The following PLXNA3 variants were observed in gnomAD, a reference collection of about 807,000 sequenced individuals.
The protein encoded by PLXNA3 is plexin-A3.
A neutral mutation model predicts 118.8 loss-of-function variants in PLXNA3; 52 were observed. The observed-to-expected ratio is 0.44, with a 90% CI of 0.35 to 0.55. The LOEUF (loss-of-function observed/expected upper bound fraction) is 0.55, where lower values mean the gene tolerates loss of function less well. Ranked by LOEUF, PLXNA3 falls within the 20% of genes least tolerant of loss-of-function variation. The pLI, the probability that PLXNA3 is intolerant of heterozygous loss-of-function variation, is 0.01. For synonymous variants in PLXNA3, 925 were observed against 762.4 expected (o/e 1.21, Z -3.51); for missense variants, 1,660 against 1,730.8 (o/e 0.96, Z 0.73).
rs2069225871 is a variant in PLXNA3, at chrX:154,474,922, G to C, written c.*2237G>C. ...CCTGCCTCAGCCTTCTGAGTAGCTA[G>C]GATTACAAGTGCTTGCCACCATACC... On this transcript the variant is annotated 3_prime_UTR_variant, in exon 33 of 33. Coordinates refer to ENST00000369682, the MANE Select transcript of PLXNA3 (RefSeq NM_017514.5). 2 of 100,768 alleles carry C rather than the reference G, an allele frequency of 2.0e-5. No homozygotes were observed. The highest frequency in any genetic ancestry group is 4.0e-5 in the Non-Finnish European group (2 of 49,697). 8.3% of individuals were successfully genotyped at this position (100,768 alleles called of 1,213,427 possible). A position where few individuals can be genotyped will look rare whatever the true frequency, so the allele number is the denominator to read the frequency against.
At chrX:154,465,624 C>T in intron 12 of PLXNA3, 33 bp from the exon 13 acceptor site, 1 of 1,194,792 alleles carries the variant, frequency 8.4e-7, no homozygotes, top group Non-Finnish European at 1.1e-6. Flanking sequence ...CTGCCACTGC[C>T]TGCTCCGTCA....
Position 154,468,440 on chromosome X carries a change from C to T in PLXNA3, c.4101C>T (p.Leu1367=), listed in dbSNP as rs782156660. 8 of 1,210,278 alleles carry T rather than the reference C, an allele frequency of 6.6e-6. No individual in the cohort carries two copies. The highest frequency in any genetic ancestry group is 7.8e-6 in the Non-Finnish European group (7 of 895,348). ...SMRDRGTVAS[L]TMVALQSRLD... is the part of the protein sequence containing the mutation. ...GCGACCGCGGCACCGTGGCCTCGCT[C>T]ACCATGGTGGCCCTGCAGAGCCGGC... Residue 1367 remains leucine (L), a synonymous_variant, in exon 23 of 33, where the codon CTC becomes CTT. Transcript: ENST00000369682.
At chrX:154,463,035 G>A (rs189591192) in intron 4 of PLXNA3, among the ~76,000 whole-genome samples, 142 of 111,108 alleles carry the variant, frequency 1.3e-3, no homozygotes, top group Non-Finnish European at 1.0e-3. Context: ...TGTTGAACGC[G>A]TACTATCCAA....
At chrX:154,469,592 C>A (rs2069150386) in intron 27 of PLXNA3, 96 bp from the exon 28 acceptor site, 1 of 671,359 alleles carries the variant, frequency 1.5e-6, no homozygotes, top group African/African-American at 2.2e-5. Context: ...GCCCTTCTCC[C>A]TGGGCTCGTG....
intron 4 of PLXNA3, among the ~76,000 whole-genome samples, chrX:154,462,936 G>T (rs1167180986): frequency 1.8e-5 from 2 of 111,502 alleles, no homozygotes; most frequent in African/African-American, 6.5e-5. Flanking sequence ...TGGTCTGGGG[G>T]CGCAGGGAAG....
chrX:154,460,781 C>A lies in PLXNA3; in HGVS notation c.594+4C>A. On this transcript the variant is annotated splice_donor_region_variant and intron_variant, in intron 2 of 32. Coordinates refer to ENST00000369682, the MANE Select transcript of PLXNA3 (RefSeq NM_017514.5). ...CAGCGCGGACATGTTCAGTCTCGTG[C>A]GTGAGCCTTCCTTCTCTTCTTCCTC... 3 of 1,082,673 alleles carry A rather than the reference C, an allele frequency of 2.8e-6. No homozygotes were observed. The highest frequency in any genetic ancestry group is 2.2e-5 in the South Asian group (1 of 44,761). 89.2% of individuals were successfully genotyped at this position (1,082,673 alleles called of 1,213,427 possible). A position where few individuals can be genotyped will look rare whatever the true frequency, so the allele number is the denominator to read the frequency against.
chrX:154,463,019 C>T (rs888799284), intron 4 of PLXNA3, among the ~76,000 whole-genome samples: 1 of 111,344 alleles, frequency 9.0e-6, no homozygotes, highest in Non-Finnish European at 1.9e-5. Flanking sequence ...TCCTTTGTAG[C>T]AGCTTTGTTG....
rs896729583 is a variant in PLXNA3 at position 154,477,665 on chromosome X, A to G, written c.*4980A>G. 1 of 283,451 alleles carries G rather than the reference A, an allele frequency of 3.5e-6. No individual in the cohort carries two copies. The highest frequency in any genetic ancestry group is 6.1e-6 in the Non-Finnish European group (1 of 162,893). 23.4% of individuals were successfully genotyped at this position (283,451 alleles called of 1,213,427 possible). On this transcript the variant is annotated 3_prime_UTR_variant, in exon 33 of 33. Coordinates refer to ENST00000369682, the MANE Select transcript of PLXNA3 (RefSeq NM_017514.5). ...TCTTCCATTTCCTAAATTGTCTTCA[A>G]TTTCCTTGTACTCCTTGAATATCTG...
rs782313208 is a variant in PLXNA3, at chrX:154,462,217, C to T, written c.1224C>T (p.Ala408=). 4 of 1,202,393 alleles carry T rather than the reference C, an allele frequency of 3.3e-6. No homozygotes were observed. Among genetic ancestry groups the T allele is most frequent in the African/African-American group, 3.5e-5 (2 of 57,168 alleles). The change falls in exon 4 of 33, where the codon GCC becomes GCT. Residue 408 remains alanine, a synonymous_variant. Transcript: ENST00000369682. ...TGATCGAGGGGCTGCCCCTGCTGGC[C>T]GACAGCACCGACGGCATGGCCAGCG... ...LHVIEGLPLL[A]DSTDGMASVA... is the part of the protein sequence containing the mutation.
rs782327538 is a variant in PLXNA3 at position 154,460,666 on chromosome X, G to A, written c.483G>A (p.Gly161=). 3.4e-6 allele frequency: 4 copies of A among 1,166,315 alleles called. No homozygotes were observed. Among genetic ancestry groups the A allele is most frequent in the Admixed American group, 2.6e-5 (1 of 39,196 alleles). The stretch of plus-strand genomic sequence containing the variant: ...GTGTCATTGTGGAGCAGGGCCAGGG[G>A]CCCAGCAAGCTGTTTGTGGGCACTG... ...MAGVIVEQGQ[G]PSKLFVGTAV... is the part of the protein sequence containing the mutation. Residue 161 remains glycine, a synonymous_variant, in exon 2 of 33, where the codon GGG becomes GGA. Transcript: ENST00000369682.
intron 3 of PLXNA3, 119 bp downstream of exon 3, chrX:154,461,757 T>A: frequency 1.4e-6 from 1 of 708,081 alleles, no homozygotes; most frequent in Non-Finnish European, 2.1e-6. Flanking sequence ...GAGTGGCACC[T>A]TTGCCCTCCC....
rs1276259485 is a variant in PLXNA3, at chrX:154,466,441, C to T, written c.2865C>T (p.Ile955=). The T allele has an allele frequency of 3.3e-6, 4 of 1,209,694 alleles. No homozygotes were observed. The highest frequency in any genetic ancestry group is 3.0e-5 in the East Asian group (1 of 33,776). Residue 955 remains isoleucine (I), a synonymous_variant, in exon 16 of 33, where the codon ATC becomes ATT. Transcript: ENST00000369682. ...GPASGGTRLT[I]SGSSLDAGSR... ...CGTCCGGGGGCACACGGCTTACCAT[C>T]TCAGGCAGCTCTCTGGATGCTGGCA...
At chrX:154,459,886 C>CCCG (rs1257632614) in intron 1 of PLXNA3, among the ~76,000 whole-genome samples, 1 of 113,288 alleles carries the variant, frequency 8.8e-6, no homozygotes, top group African/African-American at 3.2e-5. Flanking sequence ...GATGTGGCAT[C>CCCG]TGGGGTCCCA....
intron 11 of PLXNA3, 77 bp from the exon 12 acceptor site, chrX:154,465,347 A>G (rs977927012): frequency 4.2e-5 from 43 of 1,030,469 alleles, no homozygotes; most frequent in Non-Finnish European, 5.2e-5. Flanking sequence ...TACCTGGAGG[A>G]GGGGGGCAGC....
chrX:154,467,122 C>T lies in PLXNA3; in HGVS notation c.3173C>T (p.Ala1058Val), dbSNP rs1557207419. The T allele has an allele frequency of 8.3e-7, 1 of 1,208,880 alleles. No homozygotes were observed. The highest frequency in any genetic ancestry group is 1.7e-5 in the African/African-American group (1 of 57,323). Reference sequence around the variant, plus strand: ...ACGGTCCAGGAGCCCCGGGTCCGTGCCAAGTACCGCGGCATTGAGACCACC... The same window carrying T: ...ACGGTCCAGGAGCCCCGGGTCCGTGTCAAGTACCGCGGCATTGAGACCACC... ...LLTVQEPRVR[A>V]KYRGIETTNT... Residue 1058 changes from alanine to valine, a missense_variant, in exon 18 of 33, where the codon GCC becomes GTC. Coordinates refer to ENST00000369682, the MANE Select transcript of PLXNA3 (RefSeq NM_017514.5).
rs1247069309 is a variant in PLXNA3 at position 154,465,710 on chromosome X, GC to G, written c.2396del (p.Ala799ValfsTer32). On this transcript the variant is annotated frameshift_variant, in exon 13 of 33. Transcript: ENST00000369682. LOFTEE classifies it high-confidence loss of function. ...QRPSCGLCLK[A>X]DPRFNCGWCI... is the part of the protein sequence containing the mutation. The stretch of plus-strand genomic sequence containing the variant: ...GCCCAGCTGTGGCCTCTGCCTCAAG[GC>G]TGATCCCCGCTTCAACTGTGGCTGG... The G allele has an allele frequency of 1.7e-6, 2 of 1,208,836 alleles. No homozygotes were observed. The highest frequency in any genetic ancestry group is 2.2e-6 in the Non-Finnish European group (2 of 894,656).
In PLXNA3 at chrX:154,465,495, C is replaced by T. The variant is rs369178952; in HGVS notation, c.2316C>T (p.Pro772=). Residue 772 remains proline (P), a synonymous_variant, in exon 12 of 33, where the codon CCC becomes CCT. Transcript: ENST00000369682. ...CCGTGGTCTGGGATGGAGACTTCCC[C>T]ATAGACAAGCCTCCCAGCTTCCGAG... The part of the protein sequence containing the change: ...DFSVVWDGDF[P]IDKPPSFRAL... The T allele has an allele frequency of 1.7e-6, 2 of 1,204,325 alleles. No homozygotes were observed. Among genetic ancestry groups the T allele is most frequent in the African/African-American group, 3.5e-5 (2 of 57,132 alleles).
At chrX:154,468,593 G>A in intron 23 of PLXNA3, 34 bp downstream of exon 23, 3 of 1,207,906 alleles carry the variant, frequency 2.5e-6, no homozygotes, top group Non-Finnish European at 3.4e-6. Context: ...CCACACCTTT[G>A]TCCTGCCTGG....
At chrX:154,462,994 C>T (rs1276503427) in intron 4 of PLXNA3, among the ~76,000 whole-genome samples, 1 of 111,350 alleles carries the variant, frequency 9.0e-6, no homozygotes, top group African/African-American at 3.3e-5. Flanking sequence ...CTGCTCTGTT[C>T]CTGGGACCCT....
Sources: gnomAD v4.1 joint callset for allele counts (sites outside exome capture counted in the v4.1 genomes callset) on GRCh38, gnomAD v4.1.1 for gene constraint, MANE v1.5 for transcripts, NCBI Gene and HGNC (gene_info 2026-07-23, HGNC 2026-07-21) for gene names.